Variants in TUBA1C observed in about 807,000 individuals in gnomAD.
TUBA1C encodes the protein tubulin alpha-1C chain.
TUBA1C carries 16 observed loss-of-function variants against 34.9 expected under a neutral mutation model. The ratio of observed to expected loss-of-function variants is 0.46; its 90% confidence interval spans 0.31 to 0.70. The LOEUF is 0.70. Among genes scored for constraint, TUBA1C ranks in the 30% least tolerant of loss-of-function variants. The probability of loss-of-function intolerance (pLI) is 0.05; values close to 1 mark genes in which losing one functional copy is unlikely to be tolerated. For missense variants in TUBA1C, 329 were observed against 587.3 expected, an observed-to-expected ratio of 0.56 and a Z score of 4.55; for synonymous variants, 177 against 215.9, an observed-to-expected ratio of 0.82 and a Z score of 1.58.
chr12:49,244,435 T>G (rs1942648437), intron 1 of TUBA1C, among the ~76,000 whole-genome samples: 1 of 152,226 alleles, frequency 6.6e-6, no homozygotes, highest in African/African-American at 2.4e-5. Context: ...ATAGTCGTGG[T>G]CTTTTGAAGA....
intron 1 of TUBA1C, among the ~76,000 whole-genome samples, chr12:49,255,901 T>C (rs536780790): frequency 1.3e-5 from 2 of 152,116 alleles, no homozygotes; most frequent in Admixed American, 1.3e-4. Context: ...GCAATGTGCT[T>C]GAGGCTAGGG....
At chr12:49,241,054 A>G (rs1408123089) in intron 1 of TUBA1C, among the ~76,000 whole-genome samples, 1 of 152,002 alleles carries the variant, frequency 6.6e-6, no homozygotes, top group Admixed American at 6.6e-5. Context: ...GGAGTGCACC[A>G]CCACGGCCAG....
upstream of TUBA1C, chr12:49,264,836 T>A: frequency 1.9e-5 from 2 of 104,138 alleles, no homozygotes; most frequent in Non-Finnish European, 4.0e-5. Flanking sequence ...CTTCCTCCCC[T>A]TCCTCCCCTT....
In TUBA1C at chr12:49,228,139, C is replaced by T. The variant is rs1018139334; in HGVS notation, c.186C>T (p.Ser62=). 7 of 1,535,566 alleles carry T rather than the reference C, an allele frequency of 4.6e-6. No individual in the cohort carries two copies. The African/African-American group carries it at 9.6e-5, about 21-fold the overall frequency. Residue 62 remains serine (S), a synonymous_variant, in exon 1 of 4, where the codon AGC becomes AGT. Coordinates refer to the TUBA1C transcript ENST00000541364. ...TTAACACATGCACATCCAGCAAAAGCAGAGGAGAACCTGGCTGTGATTCAA... is the reference window on the plus strand; with the variant it reads ...TTAACACATGCACATCCAGCAAAAGTAGAGGAGAACCTGGCTGTGATTCAA...
intron 1 of TUBA1C, among the ~76,000 whole-genome samples, chr12:49,235,748 A>C (rs1284577123): frequency 6.6e-6 from 1 of 151,942 alleles, no homozygotes; most frequent in Non-Finnish European, 1.5e-5. Context: ...AAAAAAAAAA[A>C]AAATCTTACA....
intron 3 of TUBA1C, among the ~76,000 whole-genome samples, chr12:49,271,224 A>T (rs1017691241): frequency 5.9e-5 from 9 of 152,216 alleles, no homozygotes; most frequent in African/African-American, 1.9e-4. Context: ...ATGGACCCAC[A>T]GGCTATAAGG....
intron 1 of TUBA1C, among the ~76,000 whole-genome samples, chr12:49,230,189 CATGCATA>C: frequency 6.6e-6 from 1 of 152,100 alleles, no homozygotes; most frequent in Non-Finnish European, 1.5e-5. Flanking sequence ...CATAGCATTC[CATGCATA>C]ATGACTTGTA....
In TUBA1C at chr12:49,265,112, T is replaced by C; in HGVS notation, c.-70T>C. The C allele has an allele frequency of 5.8e-6, 9 of 1,556,086 alleles. No individual in the cohort carries two copies. Among genetic ancestry groups the C allele is most frequent in the Non-Finnish European group, 7.9e-6 (9 of 1,144,000 alleles). ...TTCTCCCCCGGACTCCTTGGTAGTC[T>C]GTTAGTGGGAGATCCTTGTTGCCGT... On this transcript the variant is annotated 5_prime_UTR_variant, in exon 1 of 4. Transcript: ENST00000301072.
upstream of TUBA1C, among the ~76,000 whole-genome samples, chr12:49,263,893 T>G (rs1259629232): frequency 2.0e-5 from 3 of 152,130 alleles, no homozygotes; most frequent in African/African-American, 4.8e-5. Flanking sequence ...ATAGAGTTTG[T>G]CATATGGATG....
chr12:49,247,182 G>T (rs926624973), intron 1 of TUBA1C, among the ~76,000 whole-genome samples: 3 of 151,014 alleles, frequency 2.0e-5, no homozygotes, highest in African/African-American at 4.9e-5. Flanking sequence ...CAAGAGAAAA[G>T]AAACTAAGCA....
At chr12:49,246,663 G>A (rs1019989519) in intron 1 of TUBA1C, among the ~76,000 whole-genome samples, 1 of 150,496 alleles carries the variant, frequency 6.6e-6, no homozygotes, top group Middle Eastern at 3.4e-3. Context: ...CGAAGAGCCC[G>A]TCTCAAAAAA....
intron 1 of TUBA1C, among the ~76,000 whole-genome samples, chr12:49,243,103 C>G (rs544281540): frequency 6.6e-6 from 1 of 152,138 alleles, no homozygotes; most frequent in Non-Finnish European, 1.5e-5. Context: ...CCACCGTGCC[C>G]GGTCGTGACT....
intron 1 of TUBA1C, among the ~76,000 whole-genome samples, chr12:49,242,285 C>G (rs1942625352): frequency 6.6e-6 from 1 of 152,070 alleles, no homozygotes; most frequent in African/African-American, 2.4e-5. Context: ...GCCACTGCAC[C>G]CGGCCAAAAG....
At chr12:49,248,192 T>C (rs1416948293) in intron 1 of TUBA1C, among the ~76,000 whole-genome samples, 1 of 151,426 alleles carries the variant, frequency 6.6e-6, no homozygotes. Flanking sequence ...GGAGAACTGC[T>C]TGAACCTGGG....
At chr12:49,270,537 G>C (rs12371176) in intron 3 of TUBA1C, among the ~76,000 whole-genome samples, 1 of 152,224 alleles carries the variant, frequency 6.6e-6, no homozygotes, top group African/African-American at 2.4e-5. Context: ...GGTCTGGGCA[G>C]AGTAACTTGT....
intron 1 of TUBA1C, among the ~76,000 whole-genome samples, chr12:49,234,906 C>T (rs190124497): frequency 3.2e-4 from 49 of 152,264 alleles, no homozygotes; most frequent in African/African-American, 9.4e-4. Context: ...CAACCTCCGC[C>T]TCCCAGATTC....
chr12:49,270,056 C>T (rs538302995), intron 3 of TUBA1C, 80 bp downstream of exon 3: 127 of 1,612,192 alleles, frequency 7.9e-5, no homozygotes, highest in Non-Finnish European at 9.5e-5. Context: ...TCATTCTTTG[C>T]AACTAAAATG....
rs775997826 is a variant in TUBA1C, at chr12:49,269,944, A to G, written c.343A>G (p.Ile115Val). 2.5e-6 allele frequency: 4 copies of G among 1,614,228 alleles called. No homozygotes were observed. In the Admixed American group the frequency reaches 5.0e-5, roughly 20 times the overall value. Residue 115 changes from isoleucine (I) to valine (V), a missense_variant, in exon 3 of 4, where the codon ATT (isoleucine) becomes GTT (valine). Around this residue, in one of 4 missense-constraint regions of TUBA1C, gnomAD observed 152 missense variants for 240.3 expected, o/e 0.63. Transcript: ENST00000301072. Reference protein sequence around the residue: ...RGHYTIGKEIIDLVLDRIRKL... With the variant: ...RGHYTIGKEIVDLVLDRIRKL... Reference sequence around the variant, plus strand: ...GCACTACACCATTGGCAAGGAGATCATTGACCTCGTGTTGGACCGAATTCG... The same window carrying G: ...GCACTACACCATTGGCAAGGAGATCGTTGACCTCGTGTTGGACCGAATTCG...
chr12:49,271,287 G>C (rs976080773), intron 3 of TUBA1C, among the ~76,000 whole-genome samples: 10 of 152,186 alleles, frequency 6.6e-5, no homozygotes, highest in African/African-American at 2.4e-4. Flanking sequence ...GGAGAAGCAA[G>C]AGTTTACAAC....
Sources: allele counts gnomAD v4.1 joint callset (sites outside exome capture counted in the v4.1 genomes callset), GRCh38; gene constraint gnomAD v4.1.1; regional missense constraint gnomAD v4.1.1; transcripts MANE v1.5; gene names NCBI Gene and HGNC (gene_info 2026-07-23, HGNC 2026-07-21).